The following RAI14 variants were observed in gnomAD, a reference collection of about 807,000 sequenced individuals.
RAI14 encodes ankycorbin.
Under a neutral mutation model 115.4 loss-of-function variants are expected in RAI14, and 45 were observed. The observed-to-expected ratio is 0.39, with a 90% CI of 0.31 to 0.50. The LOEUF (loss-of-function observed/expected upper bound fraction) is 0.50, where lower values mean the gene tolerates loss of function less well. Among genes scored for constraint, RAI14 ranks in the 20% least tolerant of loss-of-function variants. The pLI, the probability that RAI14 is intolerant of heterozygous loss-of-function variation, is 0.85. For missense variants in RAI14, 939 were observed against 1,131.2 expected (o/e 0.83, Z 2.44); for synonymous variants, 371 against 415.4 (o/e 0.89, Z 1.30).
At chr5:34,807,457 C>T (rs776259764) in intron 5 of RAI14, among the ~76,000 whole-genome samples, 6 of 151,850 alleles carry the variant, frequency 4.0e-5, no homozygotes, top group Non-Finnish European at 8.8e-5. Context: ...TAAGAGAAAG[C>T]TGGTTTCGTG....
intron 3 of RAI14, among the ~76,000 whole-genome samples, chr5:34,779,602 G>A (rs1580231341): frequency 6.6e-6 from 1 of 152,266 alleles, no homozygotes; most frequent in South Asian, 2.1e-4. Flanking sequence ...CAAACCATGA[G>A]TGAACTCCCA....
intron 2 of RAI14, among the ~76,000 whole-genome samples, chr5:34,694,144 G>A (rs1464915200): frequency 6.6e-6 from 1 of 152,144 alleles, no homozygotes; most frequent in Non-Finnish European, 1.5e-5. Context: ...TAAACTTGGG[G>A]AAATCTCCTA....
intron 1 of RAI14, among the ~76,000 whole-genome samples, chr5:34,666,075 T>G (rs1203031118): frequency 2.6e-5 from 4 of 152,224 alleles, no homozygotes; most frequent in African/African-American, 9.6e-5. Context: ...CTTAAGTTTC[T>G]CACCCCAAGG....
chr5:34,756,880 G>A (rs1401974994), intron 2 of RAI14, among the ~76,000 whole-genome samples: 1 of 152,218 alleles, frequency 6.6e-6, no homozygotes, highest in Non-Finnish European at 1.5e-5. Flanking sequence ...TGACGTTTAA[G>A]AGCTTGCTCA....
chr5:34,786,523 A>G (rs1481398725), intron 3 of RAI14, among the ~76,000 whole-genome samples: 1 of 151,874 alleles, frequency 6.6e-6, no homozygotes, highest in East Asian at 1.9e-4. Context: ...ACTTCATTAT[A>G]CTCTCCTCCT....
intron 2 of RAI14, among the ~76,000 whole-genome samples, chr5:34,688,754 T>C (rs76402672): frequency 6.6e-6 from 1 of 151,750 alleles, no homozygotes; most frequent in African/African-American, 2.4e-5. Flanking sequence ...TACAGCTAAA[T>C]GGAGGGAATA....
intron 1 of RAI14, among the ~76,000 whole-genome samples, chr5:34,676,389 T>A (rs1244310574): frequency 6.6e-6 from 1 of 152,204 alleles, no homozygotes; most frequent in Non-Finnish European, 1.5e-5. Context: ...ATTTTAGAGA[T>A]CATCTTAAAA....
chr5:34,783,287 A>G lies in RAI14; in HGVS notation c.168-12652A>G, dbSNP rs1034268699. On this transcript the variant is annotated intron_variant, in intron 3 of 17. Transcript: ENST00000265109. Reference sequence around the variant, plus strand: ...GTCCTCAAGTAGGTGGCTGTGTTCAATGGGTGTTGCTCATGACAGTTGGGG... The same window carrying G: ...GTCCTCAAGTAGGTGGCTGTGTTCAGTGGGTGTTGCTCATGACAGTTGGGG... 2.6e-5 allele frequency among the ~76,000 whole-genome samples: 4 copies of G among 152,202 alleles called. No individual in the cohort carries two copies. The South Asian group carries it at 6.2e-4, about 24-fold the overall frequency.
chr5:34,724,631 A>G (rs1743218068), intron 2 of RAI14, among the ~76,000 whole-genome samples: 2 of 152,168 alleles, frequency 1.3e-5, no homozygotes, highest in South Asian at 4.1e-4. Flanking sequence ...GCATTCAAGG[A>G]CAGAACTGAA....
chr5:34,808,735 C>CTT (rs1157111173), intron 7 of RAI14, 81 bp downstream of exon 7: 1 of 1,343,660 alleles, frequency 7.4e-7, no homozygotes, highest in East Asian at 2.3e-5. Flanking sequence ...GTCACTGAGA[C>CTT]TTTAGACTAG....
At chr5:34,694,813 G>T (rs1739022110) in intron 2 of RAI14, among the ~76,000 whole-genome samples, 1 of 152,202 alleles carries the variant, frequency 6.6e-6, no homozygotes, top group South Asian at 2.1e-4. Context: ...GAATGTTTCT[G>T]TAGCAACTTT....
chr5:34,797,167 T>C (rs1324422028), intron 4 of RAI14, among the ~76,000 whole-genome samples: 1 of 152,220 alleles, frequency 6.6e-6, no homozygotes, highest in Non-Finnish European at 1.5e-5. Context: ...TGGCTTCTAA[T>C]AGGTTTCTAT....
chr5:34,765,489 ACTGGTGGCATTTTGCCC>A (rs1269313466), intron 3 of RAI14, among the ~76,000 whole-genome samples: 1 of 152,188 alleles, frequency 6.6e-6, no homozygotes, highest in Non-Finnish European at 1.5e-5. Flanking sequence ...TAGCAAAGAG[ACTGGTGGCATTTTGCCC>A]CTGCCCTAGT....
chr5:34,791,548 G>A lies in RAI14; in HGVS notation c.168-4391G>A, dbSNP rs1580272975. On this transcript the variant is annotated intron_variant, in intron 3 of 17. Coordinates refer to ENST00000265109, the MANE Select transcript of RAI14 (RefSeq NM_015577.3). This position sits in a 1 kb window ranked among gnomAD's most constrained non-coding sequence, Gnocchi z 5.4. ...GCTCTTAGAAATATTTAATCAAGTAGTATCCACTAGAACTTAACATTTCAT... is the reference window on the plus strand; with the variant it reads ...GCTCTTAGAAATATTTAATCAAGTAATATCCACTAGAACTTAACATTTCAT... Among the ~76,000 whole-genome samples the A allele has an allele frequency of 6.6e-6, 1 of 151,748 alleles. No individual in the cohort carries two copies. Among genetic ancestry groups the A allele is most frequent in the Non-Finnish European group, 1.5e-5 (1 of 67,970 alleles).
chr5:34,832,133 T>G lies in RAI14; in HGVS notation c.*1368T>G, dbSNP rs1758058698. 6.6e-6 allele frequency: 1 copy of G among 152,430 alleles called. No homozygotes were observed. Among genetic ancestry groups the G allele is most frequent in the African/African-American group, 2.4e-5 (1 of 41,446 alleles). 9.4% of individuals were successfully genotyped at this position (152,430 alleles called of 1,614,324 possible). On this transcript the variant is annotated 3_prime_UTR_variant, in exon 18 of 18. Transcript: ENST00000265109. ...GGGAGAGAGACAGAATCCTGGACTC[T>G]CCAAAGTATTTAACTGAAAGTAGGG...
rs1465518943 is a variant in RAI14 at position 34,818,663 on chromosome 5, G to T, written c.940-134G>T. ...AGCTTAAAATATCTTCTTTCTTCGAGATTTTCTAGCTGCTTTTCTAGTAGG... is the reference window on the plus strand; with the variant it reads ...AGCTTAAAATATCTTCTTTCTTCGATATTTTCTAGCTGCTTTTCTAGTAGG... On this transcript the variant is annotated intron_variant, in intron 12 of 17. Coordinates refer to ENST00000265109, the MANE Select transcript of RAI14 (RefSeq NM_015577.3). 8.5e-6 allele frequency: 5 copies of T among 589,954 alleles called. No individual in the cohort carries two copies. In the East Asian group the frequency reaches 1.5e-4, roughly 17 times the overall value. 36.5% of individuals were successfully genotyped at this position (589,954 alleles called of 1,614,324 possible).
chr5:34,767,620 C>G (rs1749586888), intron 3 of RAI14, among the ~76,000 whole-genome samples: 1 of 146,564 alleles, frequency 6.8e-6, no homozygotes, highest in Non-Finnish European at 1.5e-5. Flanking sequence ...CCCCCACCAC[C>G]CCCCACCCCA....
chr5:34,734,245 CT>C (rs1744569035), intron 2 of RAI14, among the ~76,000 whole-genome samples: 2 of 152,178 alleles, frequency 1.3e-5, no homozygotes, highest in South Asian at 4.1e-4. Flanking sequence ...GGTCAGTGAA[CT>C]GGGGGGGCTG....
intron 3 of RAI14, among the ~76,000 whole-genome samples, chr5:34,776,803 T>TCAAAAAAACAAAACAACAA (rs1279080501): frequency 6.9e-6 from 1 of 144,874 alleles, no homozygotes; most frequent in Non-Finnish European, 1.5e-5. Flanking sequence ...TGAGACCCTT[T>TCAAAAAAACAAAACAACAA]ATTAAAAAAA....
Sources: gnomAD v4.1 joint callset for allele counts (sites outside exome capture counted in the v4.1 genomes callset) on GRCh38, gnomAD v4.1.1 for gene constraint, Gnocchi (gnomAD v3.1) non-coding constraint, MANE v1.5 for transcripts, NCBI Gene and HGNC (gene_info 2026-07-23, HGNC 2026-07-21) for gene names.